Variants in SLC2A9 observed in about 807,000 individuals in gnomAD.
SLC2A9 encodes solute carrier family 2, facilitated glucose transporter member 9.
Under a neutral mutation model 50.6 loss-of-function variants are expected in SLC2A9, and 39 were observed. The ratio of observed to expected loss-of-function variants is 0.77; its 90% CI spans 0.60 to 1.01. The LOEUF (loss-of-function observed/expected upper bound fraction) is 1.01, where lower values mean the gene tolerates loss of function less well. Ranked by LOEUF, SLC2A9 falls within the 50% of genes least tolerant of loss-of-function variation. SLC2A9 has a pLI of 0.00. For synonymous variants in SLC2A9, 324 were observed against 276.9 expected, an observed-to-expected ratio of 1.17 and a Z score of -1.69; for missense variants, 686 against 677.6, an observed-to-expected ratio of 1.01 and a Z score of -0.14.
At chr4:9,897,940 T>A (rs1437071729) in intron 8 of SLC2A9, among the ~76,000 whole-genome samples, 6 of 152,004 alleles carry the variant, frequency 3.9e-5, no homozygotes, top group Non-Finnish European at 8.8e-5. Context: ...AGACAGAATG[T>A]CATCTGAAGA....
At chr4:9,868,458 G>C (rs181540374) in intron 10 of SLC2A9, among the ~76,000 whole-genome samples, 21 of 152,354 alleles carry the variant, frequency 1.4e-4, no homozygotes, top group African/African-American at 5.0e-4. Flanking sequence ...CAGCTAACCA[G>C]GGCTTCTTCC....
At chr4:9,823,747 T>C (rs557501874), downstream of SLC2A9, among the ~76,000 whole-genome samples, 12 of 152,320 alleles carry the variant, frequency 7.9e-5, no homozygotes, top group African/African-American at 2.6e-4. Flanking sequence ...TATCAGAGTA[T>C]AAACAAAAGG....
rs1425238992 is a variant in SLC2A9, at chr4:10,021,367, G to A, written c.63C>T (p.Thr21=). 1 of 1,614,124 alleles carries A rather than the reference G, an allele frequency of 6.2e-7. No homozygotes were observed. The change falls in exon 1 of 12, where the codon ACC becomes ACT. Residue 21 remains threonine (T), a synonymous_variant. Coordinates refer to ENST00000264784, the MANE Select transcript of SLC2A9 (RefSeq NM_020041.3). Reference sequence around the variant, plus strand: ...CTGGCCCTGGAGGCCCGGCGTGGCTGGTGTCATCTGTGAGGGGAACTAGGC... The same window carrying A: ...CTGGCCCTGGAGGCCCGGCGTGGCTAGTGTCATCTGTGAGGGGAACTAGGC... The part of the protein sequence containing the change: ...ELGLVPLTDD[T]SHAGPPGPGR...
chr4:9,826,990 A>G (rs1396642102), intron 11 of SLC2A9, among the ~76,000 whole-genome samples: 1 of 152,222 alleles, frequency 6.6e-6, no homozygotes, highest in Non-Finnish European at 1.5e-5. Flanking sequence ...ATCAAAAGGG[A>G]AGAGAAATGC....
At chr4:10,010,587 G>A (rs1761599696) in intron 2 of SLC2A9, among the ~76,000 whole-genome samples, 1 of 152,178 alleles carries the variant, frequency 6.6e-6, no homozygotes, top group South Asian at 2.1e-4. Flanking sequence ...AGCTGTGTGC[G>A]AGGTACTTTG....
At chr4:9,990,025 C>T (rs1425492911) in intron 3 of SLC2A9, among the ~76,000 whole-genome samples, 1 of 152,106 alleles carries the variant, frequency 6.6e-6, no homozygotes, top group Admixed American at 6.5e-5. Context: ...CCTTGAGCTG[C>T]TCTGTTTTCT....
At chr4:10,036,405 G>A (rs1326145873) in intron 1 of SLC2A9, among the ~76,000 whole-genome samples, 3 of 152,224 alleles carry the variant, frequency 2.0e-5, no homozygotes, top group Admixed American at 1.3e-4. Flanking sequence ...TGCTGAAAGC[G>A]CATATCACAG....
intron 1 of SLC2A9, among the ~76,000 whole-genome samples, chr4:10,027,125 C>T (rs993598358): frequency 1.3e-5 from 2 of 152,024 alleles, no homozygotes; most frequent in African/African-American, 2.4e-5. Flanking sequence ...CCAGAATTGG[C>T]AAATCCGTGG....
chr4:9,787,465 G>A (rs1719366569), intron 3 of SLC2A9, among the ~76,000 whole-genome samples: 1 of 152,192 alleles, frequency 6.6e-6, no homozygotes, highest in African/African-American at 2.4e-5. Context: ...ATGTTTCACT[G>A]TATCACTTAT....
chr4:9,885,975 C>A (rs182624610), intron 10 of SLC2A9, among the ~76,000 whole-genome samples: 1 of 152,174 alleles, frequency 6.6e-6, no homozygotes. Context: ...CAAATGAGTA[C>A]GCAGGAAACC....
chr4:9,788,716 CATG>C (rs1427208915), intron 3 of SLC2A9, among the ~76,000 whole-genome samples: 3 of 152,166 alleles, frequency 2.0e-5, no homozygotes, highest in Non-Finnish European at 4.4e-5. Flanking sequence ...CCATACTTAT[CATG>C]ATATTTAGGT....
chr4:9,944,419 T>C (rs534622612), intron 5 of SLC2A9, among the ~76,000 whole-genome samples: 1 of 152,358 alleles, frequency 6.6e-6, no homozygotes, highest in African/African-American at 2.4e-5. Context: ...TGAAAGGCTG[T>C]TATCAAGTTT....
intron 3 of SLC2A9, among the ~76,000 whole-genome samples, chr4:9,986,407 ACT>A (rs970220821): frequency 2.0e-5 from 3 of 152,198 alleles, no homozygotes; most frequent in Non-Finnish European, 4.4e-5. Context: ...CTGGCAGGAA[ACT>A]CAGACAAACA....
chr4:10,021,587 T>A, upstream of SLC2A9: 1 of 1,053,096 alleles, frequency 9.5e-7, no homozygotes. Context: ...CGGGGCAACA[T>A]TTTTTTCTCT....
chr4:9,826,711 T>C (rs1180789466), intron 11 of SLC2A9, 111 bp from the exon 12 acceptor site: 1 of 957,658 alleles, frequency 1.0e-6, no homozygotes, highest in Admixed American at 1.9e-5. Context: ...CCAATACTCC[T>C]AGACAAAACA....
intron 2 of SLC2A9, among the ~76,000 whole-genome samples, chr4:10,007,241 G>A (rs992806415): frequency 1.3e-5 from 2 of 152,116 alleles, no homozygotes; most frequent in African/African-American, 4.8e-5. Context: ...TCCCATTTTG[G>A]CTTGACTTGA....
chr4:9,850,568 C>G (rs1438994411), intron 10 of SLC2A9, among the ~76,000 whole-genome samples: 1 of 152,128 alleles, frequency 6.6e-6, no homozygotes, highest in East Asian at 1.9e-4. Flanking sequence ...TCCCTGGGAC[C>G]CTCTTCATGG....
chr4:9,799,841 T>C (rs1250012881), intron 3 of SLC2A9, among the ~76,000 whole-genome samples: 2 of 152,130 alleles, frequency 1.3e-5, no homozygotes, highest in African/African-American at 4.8e-5. Context: ...TAGAGCCAGA[T>C]GGCAGTCAGC....
chr4:9,879,195 G>C (rs1734791979), intron 10 of SLC2A9: 1 of 985,212 alleles, frequency 1.0e-6, no homozygotes, highest in Non-Finnish European at 1.2e-6. Flanking sequence ...TTAATCTAGG[G>C]GGCTGTGGGA....
Sources: gnomAD v4.1 joint callset for allele counts (sites outside exome capture counted in the v4.1 genomes callset) on GRCh38, gnomAD v4.1.1 for gene constraint, MANE v1.5 for transcripts, NCBI Gene and HGNC (gene_info 2026-07-23, HGNC 2026-07-21) for gene names.